The following RASSF2 variants were observed in gnomAD, a reference collection of about 807,000 sequenced individuals.
RASSF2 encodes the protein ras association domain-containing protein 2.
Under a neutral mutation model 46.3 loss-of-function variants are expected in RASSF2, and 34 were observed. The ratio of observed to expected loss-of-function variants is 0.73; its 90% CI spans 0.56 to 0.98. The LOEUF (loss-of-function observed/expected upper bound fraction) is 0.98, where lower values mean the gene tolerates loss of function less well. RASSF2 is among the 50% of genes least tolerant of loss of function. The pLI, the probability that RASSF2 is intolerant of heterozygous loss-of-function variation, is 0.00. For missense variants in RASSF2, 364 were observed against 431.2 expected (o/e 0.84, Z 1.38); for synonymous variants, 158 against 162.5 (o/e 0.97, Z 0.21).
At chr20:4,798,712 G>C (rs1001350278) in intron 3 of RASSF2, among the ~76,000 whole-genome samples, 4 of 151,348 alleles carry the variant, frequency 2.6e-5, no homozygotes, top group Non-Finnish European at 5.9e-5. Flanking sequence ...TGTATTCCCA[G>C]CTACTCAGGA....
chr20:4,806,290 C>T (rs1224461449), intron 2 of RASSF2, among the ~76,000 whole-genome samples: 7 of 152,250 alleles, frequency 4.6e-5, no homozygotes, highest in Non-Finnish European at 1.5e-5. Context: ...CATGGGGGAA[C>T]TCAGCCAGAG....
At chr20:4,814,921 TGCTCCTCCACG>T (rs1451175235) in intron 2 of RASSF2, among the ~76,000 whole-genome samples, 1 of 152,326 alleles carries the variant, frequency 6.6e-6, no homozygotes, top group Non-Finnish European at 1.5e-5. Flanking sequence ...AAAGCAGAAC[TGCTCCTCCACG>T]TGGCCCGCAG....
At chr20:4,815,995 T>G (rs966498845) in intron 2 of RASSF2, among the ~76,000 whole-genome samples, 3 of 152,208 alleles carry the variant, frequency 2.0e-5, no homozygotes, top group African/African-American at 7.2e-5. Flanking sequence ...AAAATAAACA[T>G]TTTTTGTTTT....
chr20:4,814,308 C>G (rs1191630018), intron 2 of RASSF2, among the ~76,000 whole-genome samples: 1 of 152,132 alleles, frequency 6.6e-6, no homozygotes, highest in Non-Finnish European at 1.5e-5. Flanking sequence ...CCTCCGGGTC[C>G]CCTGTTTCCT....
chr20:4,780,970 A>G lies in RASSF2; in HGVS notation c.*3303T>C, dbSNP rs1601069699. 2 of 144,214 alleles carry G rather than the reference A, an allele frequency of 1.4e-5. No homozygotes were observed. Among genetic ancestry groups the G allele is most frequent in the South Asian group, 4.2e-4 (2 of 4,752 alleles). The allele number at this position is 144,214 out of a possible 1,614,324, so 8.9% of individuals were successfully genotyped here. A position where few individuals can be genotyped will look rare whatever the true frequency, so the allele number is the denominator to read the frequency against. ...GGAAACAGAACCAGACTCTGTCTCA[A>G]AAAAAAAAAAAAGAAAGAAAGAAAC... is the stretch of plus-strand genomic sequence containing the variant. On this transcript the variant is annotated 3_prime_UTR_variant, in exon 12 of 12. Coordinates refer to ENST00000379400, the MANE Select transcript of RASSF2 (RefSeq NM_014737.3).
At chr20:4,802,327 C>T (rs1926939568) in intron 2 of RASSF2, among the ~76,000 whole-genome samples, 1 of 150,676 alleles carries the variant, frequency 6.6e-6, no homozygotes, top group African/African-American at 2.5e-5. Context: ...AGCAGCACTA[C>T]CCCAGTGATG....
At chr20:4,823,211 G>T (rs1348191858) in intron 1 of RASSF2, among the ~76,000 whole-genome samples, 1 of 152,064 alleles carries the variant, frequency 6.6e-6, no homozygotes, top group Non-Finnish European at 1.5e-5. Context: ...TTGGCGAGGT[G>T]GGGGGACGCG....
At chr20:4,786,421 G>A (rs868090578) in intron 10 of RASSF2, 93 bp from the exon 11 acceptor site, 4 of 1,110,700 alleles carry the variant, frequency 3.6e-6, no homozygotes, top group Middle Eastern at 4.0e-4. Flanking sequence ...CAAAGCCTTG[G>A]GAAGTCTATT....
chr20:4,803,920 TG>T (rs1382070784), intron 2 of RASSF2, among the ~76,000 whole-genome samples: 1 of 151,982 alleles, frequency 6.6e-6, no homozygotes, highest in East Asian at 1.9e-4. Context: ...TAGCCAGATG[TG>T]CTAGCATGCA....
intron 3 of RASSF2, 102 bp from the exon 4 acceptor site, chr20:4,798,187 C>A: frequency 6.6e-7 from 1 of 1,516,564 alleles, no homozygotes; most frequent in East Asian, 2.5e-5. Context: ...TTCAGTCACC[C>A]CACTTTGGGT....
chr20:4,803,956 G>C (rs1204886777), intron 2 of RASSF2, among the ~76,000 whole-genome samples: 1 of 151,564 alleles, frequency 6.6e-6, no homozygotes, highest in African/African-American at 2.4e-5. Flanking sequence ...TACTAGGCAG[G>C]CTGAGGCAGG....
At chr20:4,807,330 G>C (rs77157679) in intron 2 of RASSF2, among the ~76,000 whole-genome samples, 14 of 109,844 alleles carry the variant, frequency 1.3e-4, no homozygotes, top group Non-Finnish European at 2.4e-4. Flanking sequence ...CTTCTGTTCA[G>C]AAAAAAAAAA....
At position 4,788,203 on chromosome 20, in the gene RASSF2, G is replaced by C. The variant is rs563520901; in HGVS notation, c.691+14C>G. On this transcript the variant is annotated intron_variant, in intron 9 of 11. Transcript: ENST00000379400. ...ATTAGAAGTTTTAAAGTACACTGTG[G>C]TCTTCAGACTTACCACCACTCGTAT... 7 of 1,569,650 alleles carry C rather than the reference G, an allele frequency of 4.5e-6. No individual in the cohort carries two copies. The Middle Eastern group carries it at 5.0e-4, about 112-fold the overall frequency.
rs538843276 is a variant in RASSF2, at chr20:4,810,513, T to C, written c.-32-9451A>G. Among the ~76,000 whole-genome samples the C allele has an allele frequency of 2.0e-5, 3 of 152,238 alleles. No homozygotes were observed. The East Asian group carries it at 5.8e-4, about 29-fold the overall frequency. ...GCCTGGAGAACGTGCCACCTTTCCT[T>C]GGTCTCAGAGCATCCCCAGGACCCT... On this transcript the variant is annotated intron_variant, in intron 2 of 11. Coordinates refer to ENST00000379400, the MANE Select transcript of RASSF2 (RefSeq NM_014737.3).
At chr20:4,789,379 G>A (rs1218603673) in intron 8 of RASSF2, among the ~76,000 whole-genome samples, 1 of 152,156 alleles carries the variant, frequency 6.6e-6, no homozygotes, top group Non-Finnish European at 1.5e-5. Flanking sequence ...GTGGGTCTGG[G>A]GTGGGGCCTG....
chr20:4,805,786 C>A (rs1170378851), intron 2 of RASSF2, among the ~76,000 whole-genome samples: 1 of 152,118 alleles, frequency 6.6e-6, no homozygotes, highest in Non-Finnish European at 1.5e-5. Flanking sequence ...GGAAAGCACA[C>A]CCTTTGGGGA....
intron 4 of RASSF2, among the ~76,000 whole-genome samples, chr20:4,796,840 C>T (rs1926394678): frequency 6.6e-6 from 1 of 152,188 alleles, no homozygotes; most frequent in South Asian, 2.1e-4. Context: ...TTAGTAAAAG[C>T]TTGAAGGGCA....
At position 4,795,066 on chromosome 20, in the gene RASSF2, G is replaced by C. The variant is rs1200151752; in HGVS notation, c.287+749C>G. On this transcript the variant is annotated intron_variant, in intron 5 of 11. Transcript: ENST00000379400. This position sits in a 1 kb window ranked among gnomAD's most constrained non-coding sequence, Gnocchi z 4.0. The stretch of plus-strand genomic sequence containing the variant: ...GGGCCGAAGGCAGTCAGCATCAGCA[G>C]GTTTCAGGATGGAGACAGGCTAGTC... 6.6e-6 allele frequency among the ~76,000 whole-genome samples: 1 copy of C among 152,208 alleles called. No individual in the cohort carries two copies. The highest frequency in any genetic ancestry group is 2.4e-5 in the African/African-American group (1 of 41,434).
At chr20:4,787,053 A>G (rs930655828) in intron 10 of RASSF2, among the ~76,000 whole-genome samples, 1 of 150,724 alleles carries the variant, frequency 6.6e-6, no homozygotes, top group Non-Finnish European at 1.5e-5. Context: ...GCGAGACTCC[A>G]TCCCAAAAAA....
Sources: allele counts gnomAD v4.1 joint callset (sites outside exome capture counted in the v4.1 genomes callset), GRCh38; gene constraint gnomAD v4.1.1; non-coding constraint Gnocchi (gnomAD v3.1); transcripts MANE v1.5; gene names NCBI Gene and HGNC (gene_info 2026-07-23, HGNC 2026-07-21).